Variants in CSMD1 observed in about 807,000 individuals in gnomAD.
CSMD1 encodes CUB and sushi domain-containing protein 1.
CSMD1 carries 213 observed loss-of-function variants against 417.5 expected under a neutral mutation model. The ratio of observed to expected loss-of-function variants is 0.51; its 90% CI spans 0.46 to 0.57. The LOEUF is 0.57. CSMD1 is among the 20% of genes least tolerant of loss of function. The probability of loss-of-function intolerance (pLI) is 0.00; values close to 1 mark genes in which losing one functional copy is unlikely to be tolerated. For missense variants in CSMD1, 6,923 were observed against 4,529.7 expected (o/e 1.53, Z -15.17); for synonymous variants, 2,862 against 1,736.8 (o/e 1.65, Z -16.11).
intron 26 of CSMD1, among the ~76,000 whole-genome samples, chr8:3,248,650 T>C (rs926265180): frequency 7.3e-5 from 11 of 150,740 alleles, no homozygotes; most frequent in African/African-American, 2.7e-4. Context: ...CTCTTTTTAC[T>C]CATGTCAGCA....
At chr8:3,428,988 T>A (rs1214919431) in intron 12 of CSMD1, among the ~76,000 whole-genome samples, 1 of 152,126 alleles carries the variant, frequency 6.6e-6, no homozygotes, top group Admixed American at 6.5e-5. Flanking sequence ...CTCAGAAAAC[T>A]GATCTCATTG....
intron 6 of CSMD1, among the ~76,000 whole-genome samples, chr8:3,723,548 G>C (rs1461142284): frequency 2.0e-5 from 3 of 152,158 alleles, no homozygotes; most frequent in Admixed American, 6.5e-5. Context: ...TGAACAGTCA[G>C]CTATTGTTAC....
At chr8:4,976,791 T>C (rs1009568130) in intron 1 of CSMD1, among the ~76,000 whole-genome samples, 2 of 152,308 alleles carry the variant, frequency 1.3e-5, no homozygotes, top group African/African-American at 4.8e-5. Context: ...ATATGACACA[T>C]CACTTCCTCT....
chr8:3,053,223 T>C (rs1401221864), intron 49 of CSMD1, among the ~76,000 whole-genome samples: 2 of 152,202 alleles, frequency 1.3e-5, no homozygotes, highest in African/African-American at 4.8e-5. Flanking sequence ...GACTGACCAC[T>C]CTCATGCAGC....
At chr8:2,992,300 T>C (rs1030006652) in intron 54 of CSMD1, among the ~76,000 whole-genome samples, 10 of 152,196 alleles carry the variant, frequency 6.6e-5, no homozygotes, top group African/African-American at 1.9e-4. Context: ...CGTTTTGTTT[T>C]GGGGTGATGA....
chr8:4,395,729 A>G (rs900780723), intron 3 of CSMD1, among the ~76,000 whole-genome samples: 6 of 152,026 alleles, frequency 3.9e-5, no homozygotes, highest in African/African-American at 1.4e-4. Context: ...ATTAGCAGCT[A>G]CAAATGTTTC....
chr8:3,103,099 C>T (rs528778304), intron 46 of CSMD1, among the ~76,000 whole-genome samples: 2 of 152,162 alleles, frequency 1.3e-5, no homozygotes, highest in African/African-American at 4.8e-5. Context: ...GCACTCAGAC[C>T]TTAGCTGTAG....
In CSMD1 at chr8:4,430,554, G is replaced by T. The variant is rs544534635; in HGVS notation, c.303-10489C>A. Among the ~76,000 whole-genome samples, 4 of 152,136 alleles carry T rather than the reference G, an allele frequency of 2.6e-5. No homozygotes were observed. The East Asian group carries it at 5.8e-4, about 22-fold the overall frequency. Reference sequence around the variant, plus strand: ...TGATAGACACTACTCTCTAATAAAAGTTACTCTGGGGAAGAAAATAAATTT... The same window carrying T: ...TGATAGACACTACTCTCTAATAAAATTTACTCTGGGGAAGAAAATAAATTT... On this transcript the variant is annotated intron_variant, in intron 2 of 69. Coordinates refer to ENST00000635120, the MANE Select transcript of CSMD1 (RefSeq NM_033225.6).
intron 1 of CSMD1, among the ~76,000 whole-genome samples, chr8:4,685,549 C>G (rs1806316450): frequency 6.6e-6 from 1 of 151,888 alleles, no homozygotes; most frequent in Non-Finnish European, 1.5e-5. Flanking sequence ...GCACTGCAGC[C>G]TGGGTGACAG....
chr8:3,647,678 G>A (rs1198107589), intron 7 of CSMD1, among the ~76,000 whole-genome samples: 1 of 152,172 alleles, frequency 6.6e-6, no homozygotes, highest in Admixed American at 6.5e-5. Context: ...GAAAGTTTTA[G>A]TACAGTTATT....
chr8:4,952,810 C>G (rs1346026565), intron 1 of CSMD1, among the ~76,000 whole-genome samples: 1 of 152,098 alleles, frequency 6.6e-6, no homozygotes, highest in Non-Finnish European at 1.5e-5. Flanking sequence ...TACTTCTACA[C>G]AGTAATCAGC....
chr8:4,463,760 T>G (rs1269404400), intron 2 of CSMD1, among the ~76,000 whole-genome samples: 1 of 152,128 alleles, frequency 6.6e-6, no homozygotes. Flanking sequence ...GGGAAAATAG[T>G]GAGTGGGTAC....
At chr8:4,942,514 A>T (rs1454620312) in intron 1 of CSMD1, among the ~76,000 whole-genome samples, 4 of 152,200 alleles carry the variant, frequency 2.6e-5, no homozygotes, top group African/African-American at 9.6e-5. Flanking sequence ...TCATTTTTTC[A>T]AAATATTTTC....
At chr8:3,057,321 G>A (rs955115728) in intron 49 of CSMD1, among the ~76,000 whole-genome samples, 5 of 151,892 alleles carry the variant, frequency 3.3e-5, no homozygotes, top group Non-Finnish European at 5.9e-5. Flanking sequence ...AAATATGCAC[G>A]CAAAACATTA....
chr8:2,988,537 A>G (rs1000670026), intron 54 of CSMD1, among the ~76,000 whole-genome samples: 1 of 152,184 alleles, frequency 6.6e-6, no homozygotes, highest in African/African-American at 2.4e-5. Flanking sequence ...AAAGTTTCCA[A>G]GAAAGCTCCT....
intron 2 of CSMD1, among the ~76,000 whole-genome samples, chr8:4,461,793 T>G (rs1225103215): frequency 6.8e-6 from 1 of 146,754 alleles, no homozygotes; most frequent in Non-Finnish European, 1.5e-5. Flanking sequence ...CAGGCTGGAG[T>G]GCAGTAGTAC....
intron 5 of CSMD1, among the ~76,000 whole-genome samples, chr8:3,949,588 A>T (rs969371052): frequency 6.6e-6 from 1 of 152,108 alleles, no homozygotes. Flanking sequence ...GGGGGAAACT[A>T]ATTGAAGAAC....
At chr8:4,723,355 CG>C (rs1400660338) in intron 1 of CSMD1, among the ~76,000 whole-genome samples, 1 of 151,986 alleles carries the variant, frequency 6.6e-6, no homozygotes, top group Non-Finnish European at 1.5e-5. Context: ...TTTCAAGGAC[CG>C]AGGTTCGCTC....
chr8:3,238,594 G>C (rs968016464), intron 26 of CSMD1, among the ~76,000 whole-genome samples: 1 of 152,018 alleles, frequency 6.6e-6, no homozygotes, highest in Non-Finnish European at 1.5e-5. Context: ...TTTGTGGTAA[G>C]GGGTGATATT....
Sources: gnomAD v4.1 joint callset for allele counts (sites outside exome capture counted in the v4.1 genomes callset) on GRCh38, gnomAD v4.1.1 for gene constraint, MANE v1.5 for transcripts, NCBI Gene and HGNC (gene_info 2026-07-23, HGNC 2026-07-21) for gene names.